Variants in FANCL observed in about 807,000 individuals in gnomAD.
FANCL encodes the protein FA complementation group L, also known as E3 ubiquitin-protein ligase FANCL.
Under a neutral mutation model 59.4 loss-of-function variants are expected in FANCL, and 69 were observed. That is an observed-to-expected ratio of 1.16 (90% CI 0.96 to 1.42). The LOEUF (loss-of-function observed/expected upper bound fraction) is 1.42. Ranked by LOEUF, FANCL falls within the 40% of genes most tolerant of loss-of-function variation. The pLI, the probability that FANCL is intolerant of heterozygous loss-of-function variation, is 0.00. For missense variants in FANCL, 519 were observed against 447.2 expected (o/e 1.16, Z -1.45); for synonymous variants, 180 against 147.1 (o/e 1.22, Z -1.62).
intron 6 of FANCL, 65 bp from the exon 7 acceptor site, chr2:58,198,727 A>T: frequency 1.5e-6 from 2 of 1,304,830 alleles, no homozygotes; most frequent in Non-Finnish European, 1.1e-6. Flanking sequence ...GAGGTATTTT[A>T]GAAAAACTAG....
At position 58,159,359 on chromosome 2, in the gene FANCL, G is replaced by C; in HGVS notation, c.*406C>G. 2 of 1,604,990 alleles carry C rather than the reference G, an allele frequency of 1.2e-6. No individual in the cohort carries two copies. Among genetic ancestry groups the C allele is most frequent in the Non-Finnish European group, 1.7e-6 (2 of 1,176,808 alleles). ...GTATTTTTTCCATAGGAAAGCACAA[G>C]GAGAAGACAGAAATATCAAGAGTCT... On this transcript the variant is annotated 3_prime_UTR_variant, in exon 14 of 14. Coordinates refer to ENST00000233741, the MANE Select transcript of FANCL (RefSeq NM_018062.4).
chr2:58,192,654 T>C (rs1050456173), intron 7 of FANCL, among the ~76,000 whole-genome samples: 3 of 151,942 alleles, frequency 2.0e-5, no homozygotes, highest in Non-Finnish European at 4.4e-5. Flanking sequence ...GAAGATAGGA[T>C]GGAGTGAGGG....
intron 5 of FANCL, among the ~76,000 whole-genome samples, chr2:58,221,503 CCACT>C (rs1046554269): frequency 4.6e-5 from 7 of 152,020 alleles, no homozygotes; most frequent in East Asian, 1.9e-4. Flanking sequence ...CTAAAATTTA[CCACT>C]CAAATTACAA....
intron 5 of FANCL, among the ~76,000 whole-genome samples, chr2:58,217,142 GATTTATATATATATTTATATATTTTATAT>G (rs1348463035): frequency 9.4e-4 from 61 of 64,944 alleles, no homozygotes; most frequent in South Asian, 2.2e-3. Context: ...TTTATATATA[GATTTATATATATATTTATATATTTTATAT>G]ATATATATAT....
intron 11 of FANCL, among the ~76,000 whole-genome samples, chr2:58,162,379 C>T (rs1246305588): frequency 6.6e-6 from 1 of 151,860 alleles, no homozygotes; most frequent in Non-Finnish European, 1.5e-5. Context: ...TGGAGTTCTC[C>T]CCTTATTTTT....
chr2:58,222,680 T>C (rs1692602654), intron 4 of FANCL, among the ~76,000 whole-genome samples: 1 of 152,036 alleles, frequency 6.6e-6, no homozygotes, highest in African/African-American at 2.4e-5. Context: ...ACTAAAATTT[T>C]TTACAAGACA....
At chr2:58,224,191 T>C (rs1487969362) in intron 4 of FANCL, among the ~76,000 whole-genome samples, 3 of 151,854 alleles carry the variant, frequency 2.0e-5, no homozygotes, top group Non-Finnish European at 3.0e-5. Flanking sequence ...GAAGTTATTT[T>C]TGATAAGAAG....
At chr2:58,210,178 A>G (rs1690992866) in intron 5 of FANCL, among the ~76,000 whole-genome samples, 1 of 152,220 alleles carries the variant, frequency 6.6e-6, no homozygotes, top group Non-Finnish European at 1.5e-5. Context: ...GTCTGTTTTC[A>G]TGCTGCTAAG....
At chr2:58,186,005 C>CTA in intron 7 of FANCL, among the ~76,000 whole-genome samples, 1 of 152,250 alleles carries the variant, frequency 6.6e-6, no homozygotes, top group South Asian at 2.1e-4. Context: ...AAGTCAGTGC[C>CTA]TATTACCCAC....
chr2:58,241,275 G>A lies in FANCL; in HGVS notation c.39C>T (p.Pro13=), dbSNP rs201708705. ...TCGACCGGTTCTGGGGCAGAAGCAG[G>A]GGGCACTGGCGCAACAGGCTCGCTT... ...VTEASLLRQC[P]LLLPQNRSKT... Residue 13 remains proline (P), a synonymous_variant, in exon 1 of 14, where the codon CCC becomes CCT. Transcript: ENST00000233741. The A allele has an allele frequency of 5.0e-6, 8 of 1,614,122 alleles. No individual in the cohort carries two copies. The Admixed American group carries it at 8.3e-5, about 17-fold the overall frequency.
At chr2:58,222,720 AAATTACC>A in intron 4 of FANCL, among the ~76,000 whole-genome samples, 2 of 152,214 alleles carry the variant, frequency 1.3e-5, no homozygotes, top group South Asian at 4.1e-4. Context: ...GCTGAAGCTA[AAATTACC>A]AATTATTTTG....
intron 5 of FANCL, among the ~76,000 whole-genome samples, chr2:58,216,359 T>C (rs1691721758): frequency 1.3e-5 from 2 of 152,182 alleles, no homozygotes; most frequent in Non-Finnish European, 2.9e-5. Flanking sequence ...TCTAAACTAT[T>C]TTATGTGCAA....
chr2:58,170,091 C>G (rs1686412631), intron 7 of FANCL, among the ~76,000 whole-genome samples: 1 of 152,102 alleles, frequency 6.6e-6, no homozygotes, highest in Non-Finnish European at 1.5e-5. Context: ...TGGTCAGATT[C>G]ATCAAGGTTG....
chr2:58,171,367 A>G (rs1558748597), intron 7 of FANCL, among the ~76,000 whole-genome samples: 1 of 152,230 alleles, frequency 6.6e-6, no homozygotes, highest in Non-Finnish European at 1.5e-5. Flanking sequence ...TCTCTGGGAC[A>G]CAGCCAAAGC....
chr2:58,171,415 G>A (rs1319203572), intron 7 of FANCL, among the ~76,000 whole-genome samples: 1 of 152,176 alleles, frequency 6.6e-6, no homozygotes, highest in Non-Finnish European at 1.5e-5. Flanking sequence ...ATGCCCACAT[G>A]AGAAAGCAGA....
Position 58,159,720 on chromosome 2 carries a change from A to AT in FANCL, c.*44dup. 1 of 1,611,934 alleles carries AT rather than the reference A, an allele frequency of 6.2e-7. No individual in the cohort carries two copies. The highest frequency in any genetic ancestry group is 2.2e-5 in the East Asian group (1 of 44,832). On this transcript the variant is annotated 3_prime_UTR_variant, in exon 14 of 14. Coordinates refer to ENST00000233741, the MANE Select transcript of FANCL (RefSeq NM_018062.4). The stretch of plus-strand genomic sequence containing the variant: ...GATGATACCAAAATTCCTTTTGATA[A>AT]TTTTTTAAGTTTCCAGCTCTTCACC...
rs1318638912 is a variant in FANCL at position 58,177,032 on chromosome 2, G to C, written c.541-11158C>G. Among the ~76,000 whole-genome samples, 6 of 152,172 alleles carry C rather than the reference G, an allele frequency of 3.9e-5. No individual in the cohort carries two copies. In the East Asian group the frequency reaches 1.2e-3, roughly 29 times the overall value. ...GCAGCCAAGAAACACATGAAAAAAT[G>C]CTCATCATCACTGGCCATCAGAGAA... On this transcript the variant is annotated intron_variant, in intron 7 of 13. Coordinates refer to ENST00000233741, the MANE Select transcript of FANCL (RefSeq NM_018062.4).
Position 58,159,514 on chromosome 2 carries a change from T to G in FANCL, c.*251A>C. 1 of 1,613,802 alleles carries G rather than the reference T, an allele frequency of 6.2e-7. No homozygotes were observed. Among genetic ancestry groups the G allele is most frequent in the East Asian group, 2.2e-5 (1 of 44,844 alleles). On this transcript the variant is annotated 3_prime_UTR_variant, in exon 14 of 14. Transcript: ENST00000233741. Reference sequence around the variant, plus strand: ...ATTCAAGAAGTCAAGATCTCCATCTTGGTATAAATACACTTCCACAGTCAG... The same window carrying G: ...ATTCAAGAAGTCAAGATCTCCATCTGGGTATAAATACACTTCCACAGTCAG...
chr2:58,162,548 G>A (rs1685351879), intron 11 of FANCL, among the ~76,000 whole-genome samples: 1 of 151,744 alleles, frequency 6.6e-6, no homozygotes. Context: ...ACAAGATGCA[G>A]AACCTGTGTT....
Sources: gnomAD v4.1 joint callset for allele counts (sites outside exome capture counted in the v4.1 genomes callset) on GRCh38, gnomAD v4.1.1 for gene constraint, MANE v1.5 for transcripts, NCBI Gene and HGNC (gene_info 2026-07-23, HGNC 2026-07-21) for gene names.